The following GRIN2D variants were observed in gnomAD, a reference collection of about 807,000 sequenced individuals.
The protein encoded by GRIN2D is glutamate receptor ionotropic, NMDA 2D.
In GRIN2D, 37 loss-of-function variants were observed where a neutral mutation model predicts 103.2. The observed-to-expected ratio is 0.36, with a 90% CI of 0.28 to 0.47. The LOEUF is 0.47. Among genes scored for constraint, GRIN2D ranks in the 20% least tolerant of loss-of-function variants. The pLI, the probability that GRIN2D is intolerant of heterozygous loss-of-function variation, is 1.00. For missense variants in GRIN2D, 1,557 were observed against 1,910.6 expected (o/e 0.81, Z 3.45); for synonymous variants, 845 against 885.6 (o/e 0.95, Z 0.81).
In GRIN2D at chr19:48,410,527, CAAAAAAAAA is replaced by C. The variant is rs4009666; in HGVS notation, c.1086-3448_1086-3440del. Among the ~76,000 whole-genome samples, 96 of 45,430 alleles carry C rather than the reference CAAAAAAAAA, an allele frequency of 2.1e-3. 1 individual carries two copies. The highest frequency in any genetic ancestry group is 7.8e-3 in the African/African-American group (87 of 11,172). The allele number at this position is 45,430 out of a possible 152,430, so 29.8% of individuals were successfully genotyped here. A position where few individuals can be genotyped will look rare whatever the true frequency, so the allele number is the denominator to read the frequency against. On this transcript the variant is annotated intron_variant, in intron 4 of 13. Transcript: ENST00000263269. ...TGGGCAACAGAGTGAGACTCTGACTCAAAAAAAAAAAAAAAAAAAAAAAAGCAGTCGGAG... is the reference window on the plus strand; with the variant it reads ...TGGGCAACAGAGTGAGACTCTGACTCAAAAAAAAAAAAAAAGCAGTCGGAG...
chr19:48,400,353 A>C lies in GRIN2D; in HGVS notation c.465+1496A>C, dbSNP rs188878649. 2.6e-5 allele frequency among the ~76,000 whole-genome samples: 4 copies of C among 152,322 alleles called. 1 individual carries two copies. Among genetic ancestry groups the C allele is most frequent in the African/African-American group, 9.6e-5 (4 of 41,570 alleles). Reference sequence around the variant, plus strand: ...TGCGGGCCTGTGGCTGTGTGACTGCATCACTGTTGTATGCAGAGGCTCGTA... The same window carrying C: ...TGCGGGCCTGTGGCTGTGTGACTGCCTCACTGTTGTATGCAGAGGCTCGTA... On this transcript the variant is annotated intron_variant, in intron 3 of 13. Transcript: ENST00000263269.
chr19:48,430,545 G>C (rs562156387), intron 11 of GRIN2D, among the ~76,000 whole-genome samples: 24 of 151,512 alleles, frequency 1.6e-4, no homozygotes, highest in African/African-American at 5.9e-4. Context: ...AAACTCCTGA[G>C]CTCAAGGGAT....
At chr19:48,438,216 C>G (rs987156458) in intron 11 of GRIN2D, among the ~76,000 whole-genome samples, 1 of 149,618 alleles carries the variant, frequency 6.7e-6, no homozygotes, top group Non-Finnish European at 1.5e-5. Flanking sequence ...AGGCTAACTA[C>G]TCAAGACTAG....
In GRIN2D at chr19:48,419,245, C is replaced by T; in HGVS notation, c.1747C>T (p.Pro583Ser). 1 of 1,608,378 alleles carries T rather than the reference C, an allele frequency of 6.2e-7. No individual in the cohort carries two copies. Residue 583 changes from proline to serine, a missense_variant, in exon 9 of 14, where the codon CCC becomes TCC. Pro to Ser is a moderately conservative substitution (Grantham distance 74). Transcript: ENST00000263269. ...TCCCTTGTCCCCAGAGCCCTACAGC[C>T]CCGCCGTGTGGGTGATGATGTTCGT... ...SPSAFLEPYS[P>S]AVWVMMFVMC...
rs1971321760 is a variant in GRIN2D at position 48,443,026 on chromosome 19, CCCGCCGCCGCGGCCA to C, written c.3107_3121del (p.Ala1036_Ala1040del). On this transcript the variant is annotated inframe_deletion, in exon 14 of 14. Coordinates refer to ENST00000263269, the MANE Select transcript of GRIN2D (RefSeq NM_000836.4). This position sits in a 1 kb window ranked among gnomAD's most constrained non-coding sequence, Gnocchi z 8.9. ...CGGCTTCCCGTCGCCGCCCGCGCCCCCCGCCGCCGCGGCCACCGCCGTCGGGCCGCCACTCTGCCG... is the reference window on the plus strand; with the variant it reads ...CGGCTTCCCGTCGCCGCCCGCGCCCCCCGCCGTCGGGCCGCCACTCTGCCG... The C allele has an allele frequency of 6.6e-6, 7 of 1,058,848 alleles. 1 individual carries two copies. In the East Asian group the frequency reaches 5.1e-4, roughly 77 times the overall value. The allele number at this position is 1,058,848 out of a possible 1,614,324, so 65.6% of individuals were successfully genotyped here.
intron 8 of GRIN2D, among the ~76,000 whole-genome samples, chr19:48,416,566 A>G (rs1444288305): frequency 6.6e-6 from 1 of 152,194 alleles, no homozygotes; most frequent in East Asian, 1.9e-4. Flanking sequence ...CATGGTACCA[A>G]TACCTTGTAA....
At position 48,441,948 on chromosome 19, in the gene GRIN2D, TG is replaced by T; in HGVS notation, c.2437del (p.Asp813MetfsTer23). 6.2e-7 allele frequency: 1 copy of T among 1,604,886 alleles called. No individual in the cohort carries two copies. On this transcript the variant is annotated frameshift_variant, in exon 12 of 14. Coordinates refer to ENST00000263269, the MANE Select transcript of GRIN2D (RefSeq NM_000836.4). LOFTEE classifies it high-confidence loss of function. ...ATCGACCTGGCGTTGCTGCAGTTCC[TG>T]GGGGATGGTGCGGCTGCACACAGGG... ...RPIDLALLQFLGDDEIEMLER... is the reference protein window; with the variant it reads ...RPIDLALLQFXGDDEIEMLER...
intron 11 of GRIN2D, among the ~76,000 whole-genome samples, chr19:48,422,862 C>T (rs1378641154): frequency 3.3e-5 from 5 of 152,064 alleles, no homozygotes; most frequent in South Asian, 2.1e-4. Flanking sequence ...GAGGCGGAGA[C>T]GGGCAGATCA....
At chr19:48,433,311 G>T (rs1262069108) in intron 11 of GRIN2D, among the ~76,000 whole-genome samples, 1 of 151,896 alleles carries the variant, frequency 6.6e-6, no homozygotes, top group Non-Finnish European at 1.5e-5. Flanking sequence ...GTTGCAGTGA[G>T]CTGAGACCAG....
Position 48,398,421 on chromosome 19 carries a change from C to G in GRIN2D, c.29C>G (p.Pro10Arg). The G allele has an allele frequency of 8.9e-7, 1 of 1,120,352 alleles. No homozygotes were observed. The highest frequency in any genetic ancestry group is 1.1e-6 in the Non-Finnish European group (1 of 917,586). The allele number at this position is 1,120,352 out of a possible 1,614,324, so 69.4% of individuals were successfully genotyped here. A position where few individuals can be genotyped will look rare whatever the true frequency, so the allele number is the denominator to read the frequency against. The part of the protein sequence containing the change: MRGAGGPRG[P>R]RGPAKMLLLL... ...CGCGGCGCCGGTGGCCCCCGCGGCC[C>G]TCGGGGCCCCGCTAAGATGCTGCTG... The change falls in exon 3 of 14, where the codon CCT (proline) becomes CGT (arginine). Residue 10 changes from proline to arginine, a missense_variant. Pro to Arg is a moderately radical substitution (Grantham distance 103). Around this residue, in one of 7 missense-constraint regions of GRIN2D, gnomAD observed 490 missense variants for 601.1 expected, o/e 0.82. Coordinates refer to ENST00000263269, the MANE Select transcript of GRIN2D (RefSeq NM_000836.4).
intron 11 of GRIN2D, among the ~76,000 whole-genome samples, chr19:48,437,281 C>T (rs1352197263): frequency 1.3e-5 from 2 of 152,098 alleles, no homozygotes; most frequent in African/African-American, 2.4e-5. Flanking sequence ...CCACCAAACC[C>T]GGCTAATTTT....
intron 3 of GRIN2D, 50 bp downstream of exon 3, chr19:48,398,907 G>A (rs1970676656): frequency 1.3e-5 from 17 of 1,276,578 alleles, no homozygotes; most frequent in Non-Finnish European, 1.6e-5. Flanking sequence ...GGGGACAGCC[G>A]CTGAGGGGCG....
At position 48,443,610 on chromosome 19, in the gene GRIN2D, C is replaced by T; in HGVS notation, c.3684C>T (p.Cys1228=). 1.8e-6 allele frequency: 2 copies of T among 1,110,074 alleles called. No individual in the cohort carries two copies. The highest frequency in any genetic ancestry group is 2.2e-6 in the Non-Finnish European group (2 of 912,478). The allele number at this position is 1,110,074 out of a possible 1,614,324, so 68.8% of individuals were successfully genotyped here. A position where few individuals can be genotyped will look rare whatever the true frequency, so the allele number is the denominator to read the frequency against. The change falls in exon 14 of 14, where the codon TGC becomes TGT. Residue 1228 remains cysteine (C), a synonymous_variant. Coordinates refer to ENST00000263269, the MANE Select transcript of GRIN2D (RefSeq NM_000836.4). The surrounding 1 kb of genome is among the most constrained non-coding windows in gnomAD (Gnocchi z 8.9). ...PLPRRRARCG[C]PRSHPHRPRA... is the part of the protein sequence containing the mutation. Reference sequence around the variant, plus strand: ...CCCGACGCCGGGCCCGCTGCGGGTGCCCGCGGTCGCACCCGCACCGCCCGC... The same window carrying T: ...CCCGACGCCGGGCCCGCTGCGGGTGTCCGCGGTCGCACCCGCACCGCCCGC...
chr19:48,402,475 T>C (rs377240341), intron 3 of GRIN2D, among the ~76,000 whole-genome samples: 5 of 151,764 alleles, frequency 3.3e-5, no homozygotes, highest in African/African-American at 1.2e-4. Context: ...CCCAGCACTT[T>C]GGGAGGCCGA....
chr19:48,404,268 G>T (rs1970754110), intron 3 of GRIN2D, among the ~76,000 whole-genome samples: 1 of 151,020 alleles, frequency 6.6e-6, no homozygotes, highest in Non-Finnish European at 1.5e-5. Context: ...ATCCAAACAG[G>T]TGTTCCTGAT....
chr19:48,435,487 G>A (rs1971218555), intron 11 of GRIN2D, among the ~76,000 whole-genome samples: 1 of 151,622 alleles, frequency 6.6e-6, no homozygotes, highest in Non-Finnish European at 1.5e-5. Context: ...ACAGGGTTTC[G>A]CCATGTTGGC....
chr19:48,419,050 T>TC (rs1970981555), intron 8 of GRIN2D, among the ~76,000 whole-genome samples, 184 bp from the exon 9 acceptor site: 1 of 150,250 alleles, frequency 6.7e-6, no homozygotes. Context: ...TCTTTTTTCT[T>TC]CCTTTTTTTT....
intron 11 of GRIN2D, 85 bp downstream of exon 11, chr19:48,422,030 T>A: frequency 7.2e-7 from 1 of 1,394,002 alleles, no homozygotes; most frequent in Non-Finnish European, 1.0e-6. Context: ...CCAGGTTCAT[T>A]CATTCAGTCC....
intron 11 of GRIN2D, among the ~76,000 whole-genome samples, chr19:48,439,799 C>T (rs1971271104): frequency 6.6e-6 from 1 of 152,180 alleles, no homozygotes; most frequent in Non-Finnish European, 1.5e-5. Flanking sequence ...CAGAATTAGC[C>T]AGGCGTGGTG....
Sources: allele counts gnomAD v4.1 joint callset (sites outside exome capture counted in the v4.1 genomes callset), GRCh38; gene constraint gnomAD v4.1.1; regional missense constraint gnomAD v4.1.1; non-coding constraint Gnocchi (gnomAD v3.1); transcripts MANE v1.5; gene names NCBI Gene and HGNC (gene_info 2026-07-23, HGNC 2026-07-21).